The following ZNF407 variants were observed in gnomAD, a reference collection of about 807,000 sequenced individuals.
The protein encoded by ZNF407 is zinc finger protein 407.
In ZNF407, 17 loss-of-function variants were observed where a neutral mutation model predicts 131.2. The ratio of observed to expected loss-of-function variants is 0.13; its 90% CI spans 0.09 to 0.19. The LOEUF (loss-of-function observed/expected upper bound fraction) is 0.19. Among genes scored for constraint, ZNF407 ranks in the 10% least tolerant of loss-of-function variants. ZNF407 has a pLI of 1.00. For missense variants in ZNF407, 2,681 were observed against 2,830.6 expected (o/e 0.95, Z 1.20); for synonymous variants, 1,156 against 1,062.0 (o/e 1.09, Z -1.72).
At position 75,033,020 on chromosome 18, in the gene ZNF407, ATAGTAT is replaced by A. The variant is rs1278222969; in HGVS notation, c.5429-30126_5429-30121del. Among the ~76,000 whole-genome samples, 4 of 132,778 alleles carry A rather than the reference ATAGTAT, an allele frequency of 3.0e-5. No individual in the cohort carries two copies. The East Asian group carries it at 7.0e-4, about 23-fold the overall frequency. The allele number at this position is 132,778 out of a possible 152,430, so 87.1% of individuals were successfully genotyped here. The stretch of plus-strand genomic sequence containing the variant: ...TGAGAGTGCTCGGAATGGGGGGAAG[ATAGTAT>A]TAGATAACTAAGACTGCTCGGAATG... On this transcript the variant is annotated intron_variant, in intron 8 of 8. Transcript: ENST00000299687.
In ZNF407 at chr18:74,889,768, A is replaced by T. The variant is rs570547238; in HGVS notation, c.5129-150A>T. ...TAATTTTCTCACTCTGAGAATAAATATTCAAATGTCCTAAGTGTGTGGAGT... is the reference window on the plus strand; with the variant it reads ...TAATTTTCTCACTCTGAGAATAAATTTTCAAATGTCCTAAGTGTGTGGAGT... On this transcript the variant is annotated intron_variant, in intron 6 of 8. Transcript: ENST00000299687. 3.9e-5 allele frequency: 26 copies of T among 672,058 alleles called. No homozygotes were observed. The East Asian group carries it at 7.8e-4, about 20-fold the overall frequency. The allele number at this position is 672,058 out of a possible 1,614,324, so 41.6% of individuals were successfully genotyped here. A position where few individuals can be genotyped will look rare whatever the true frequency, so the allele number is the denominator to read the frequency against.
chr18:74,627,162 A>T (rs1285364195), intron 1 of ZNF407, among the ~76,000 whole-genome samples: 1 of 151,928 alleles, frequency 6.6e-6, no homozygotes, highest in African/African-American at 2.4e-5. Context: ...ACTTTTTTTC[A>T]GTTGTTTCAA....
At chr18:75,028,569 G>A (rs540160353) in intron 8 of ZNF407, among the ~76,000 whole-genome samples, 6 of 152,234 alleles carry the variant, frequency 3.9e-5, no homozygotes, top group East Asian at 1.9e-4. Context: ...TAAAATATAC[G>A]TTAAACAAAT....
At chr18:74,892,945 A>T (rs1971405441) in intron 7 of ZNF407, among the ~76,000 whole-genome samples, 1 of 152,148 alleles carries the variant, frequency 6.6e-6, no homozygotes, top group Non-Finnish European at 1.5e-5. Flanking sequence ...ATGACTGGAA[A>T]GGTTGTGATT....
At chr18:74,980,757 A>G (rs1972583003) in intron 8 of ZNF407, among the ~76,000 whole-genome samples, 1 of 152,138 alleles carries the variant, frequency 6.6e-6, no homozygotes, top group Non-Finnish European at 1.5e-5. Context: ...GTTGCCCACA[A>G]ATATTTTGAG....
chr18:74,611,171 T>C (rs1004484567), intron 1 of ZNF407, among the ~76,000 whole-genome samples: 2 of 152,148 alleles, frequency 1.3e-5, no homozygotes, highest in Admixed American at 1.3e-4. Context: ...AAGGCAAAAC[T>C]ATGAAACTTT....
intron 4 of ZNF407, among the ~76,000 whole-genome samples, chr18:74,830,596 T>C (rs1055409540): frequency 2.0e-5 from 3 of 152,246 alleles, no homozygotes; most frequent in Non-Finnish European, 4.4e-5. Context: ...ATTTTTTTAA[T>C]TGACGAATAA....
At chr18:74,741,427 A>G (rs543286311) in intron 3 of ZNF407, among the ~76,000 whole-genome samples, 1 of 152,272 alleles carries the variant, frequency 6.6e-6, no homozygotes, top group African/African-American at 2.4e-5. Flanking sequence ...ATTTACTTCT[A>G]AATTGTTGGC....
rs35529971 is a variant in ZNF407, at chr18:74,849,052, C to CTTTTTTTTTTTTTTTTT, written c.4878-28131_4878-28130insTTTTTTTTTTTTTTTTT. ...TGGTGACTTTGGGCTACTTTTGTTT[C>CTTTTTTTTTTTTTTTTT]TTTTTTTTTTTTTTATTTTTTATTT... On this transcript the variant is annotated intron_variant, in intron 4 of 8. Coordinates refer to ENST00000299687, the MANE Select transcript of ZNF407 (RefSeq NM_017757.3). 5.7e-5 allele frequency among the ~76,000 whole-genome samples: 7 copies of CTTTTTTTTTTTTTTTTT among 122,906 alleles called. No homozygotes were observed. The East Asian group carries it at 7.1e-4, about 13-fold the overall frequency. 80.6% of individuals were successfully genotyped at this position (122,906 alleles called of 152,430 possible).
intron 1 of ZNF407, among the ~76,000 whole-genome samples, chr18:74,607,049 G>A (rs2144611812): frequency 6.6e-6 from 1 of 152,342 alleles, no homozygotes; most frequent in African/African-American, 2.4e-5. Context: ...TAGGAAAGCT[G>A]TGCCCTACAG....
In ZNF407 at chr18:74,869,607, G is replaced by A. The variant is rs149710528; in HGVS notation, c.4878-7590G>A. On this transcript the variant is annotated intron_variant, in intron 4 of 8. Coordinates refer to ENST00000299687, the MANE Select transcript of ZNF407 (RefSeq NM_017757.3). The stretch of plus-strand genomic sequence containing the variant: ...TTTGTGTGCCTACAACATTCAGTGT[G>A]GGTTCTTTTACCCTGTATAGATGGG... Among the ~76,000 whole-genome samples the A allele has an allele frequency of 1.8e-4, 28 of 152,248 alleles. No homozygotes were observed. In the East Asian group the frequency reaches 4.6e-3, roughly 25 times the overall value.
chr18:74,671,293 A>C (rs753383765), intron 3 of ZNF407, among the ~76,000 whole-genome samples: 16 of 152,096 alleles, frequency 1.1e-4, no homozygotes, highest in Non-Finnish European at 2.2e-4. Flanking sequence ...AAGGCAGAAT[A>C]ATATTCTGTT....
At position 75,063,735 on chromosome 18, in the gene ZNF407, G is replaced by T; in HGVS notation, c.6014G>T (p.Arg2005Met). Residue 2005 changes from arginine to methionine, a missense_variant, in exon 9 of 9, where the codon AGG becomes ATG. Coordinates refer to ENST00000299687, the MANE Select transcript of ZNF407 (RefSeq NM_017757.3). This position sits in a 1 kb window ranked among gnomAD's most constrained non-coding sequence, Gnocchi z 6.6. ...AVTELGEVEG[R>M]AGLEEQGRPG... ...ACTGAATTAGGGGAGGTGGAGGGCA[G>T]GGCTGGGCTCGAGGAGCAAGGCAGG... 6.2e-7 allele frequency: 1 copy of T among 1,612,304 alleles called. No individual in the cohort carries two copies. Among genetic ancestry groups the T allele is most frequent in the Non-Finnish European group, 8.5e-7 (1 of 1,179,778 alleles).
At chr18:74,904,639 A>G (rs558644719) in intron 7 of ZNF407, among the ~76,000 whole-genome samples, 2 of 152,254 alleles carry the variant, frequency 1.3e-5, no homozygotes, top group East Asian at 1.9e-4. Context: ...TTATTTTTCT[A>G]TGGAGTGGAG....
At chr18:74,629,976 C>T (rs1168930647) in intron 1 of ZNF407, among the ~76,000 whole-genome samples, 2 of 151,922 alleles carry the variant, frequency 1.3e-5, no homozygotes, top group Non-Finnish European at 2.9e-5. Context: ...AACCTTCAGA[C>T]AATATAAAAT....
At chr18:74,856,836 G>A (rs1015185431) in intron 4 of ZNF407, among the ~76,000 whole-genome samples, 1 of 152,148 alleles carries the variant, frequency 6.6e-6, no homozygotes, top group Non-Finnish European at 1.5e-5. Flanking sequence ...TCAGGCTTCT[G>A]ATTTATGAAT....
chr18:74,796,088 T>C (rs1235535751), intron 4 of ZNF407, among the ~76,000 whole-genome samples: 1 of 152,220 alleles, frequency 6.6e-6, no homozygotes, highest in Non-Finnish European at 1.5e-5. Context: ...GTGCAGATGG[T>C]ATTTAGTATA....
At chr18:74,954,504 A>G (rs1972253560) in intron 8 of ZNF407, among the ~76,000 whole-genome samples, 1 of 152,230 alleles carries the variant, frequency 6.6e-6, no homozygotes, top group Admixed American at 6.5e-5. Context: ...TTATTAGGAA[A>G]TCAGTCCTTT....
intron 7 of ZNF407, among the ~76,000 whole-genome samples, chr18:74,918,224 T>TA (rs1342366292): frequency 1.3e-5 from 2 of 152,218 alleles, no homozygotes. Context: ...GTGTCTCTGA[T>TA]ACGTAAATTT....
Sources: gnomAD v4.1 joint callset for allele counts (sites outside exome capture counted in the v4.1 genomes callset) on GRCh38, gnomAD v4.1.1 for gene constraint, Gnocchi (gnomAD v3.1) non-coding constraint, MANE v1.5 for transcripts, NCBI Gene and HGNC (gene_info 2026-07-23, HGNC 2026-07-21) for gene names.